RIMS2: variants seen among roughly 807,000 people sequenced by gnomAD.
RIMS2 encodes the protein regulating synaptic membrane exocytosis 2.
A neutral mutation model predicts 174.4 loss-of-function variants in RIMS2; 59 were observed. The observed-to-expected ratio is 0.34, with a 90% confidence interval of 0.27 to 0.42. The LOEUF is 0.42. Among genes scored for constraint, RIMS2 ranks in the 10% least tolerant of loss-of-function variants. RIMS2 has a pLI of 1.00. For synonymous variants in RIMS2, 606 were observed against 572.5 expected, an observed-to-expected ratio of 1.06 and a Z score of -0.84; for missense variants, 1,620 against 1,666.3, an observed-to-expected ratio of 0.97 and a Z score of 0.48.
intron 19 of RIMS2, among the ~76,000 whole-genome samples, chr8:104,143,349 T>A (rs1224395289): frequency 6.6e-6 from 1 of 152,220 alleles, no homozygotes; most frequent in South Asian, 2.1e-4. Context: ...GAGAAGTTTT[T>A]ACATAAAAGG....
chr8:103,860,572 A>T (rs933278509), intron 3 of RIMS2, among the ~76,000 whole-genome samples: 1 of 152,276 alleles, frequency 6.6e-6, no homozygotes, highest in East Asian at 1.9e-4. Context: ...TATAGTATTT[A>T]GCAAATAGTA....
intron 1 of RIMS2, among the ~76,000 whole-genome samples, chr8:103,650,628 AGGTCTT>A (rs1199349265): frequency 6.6e-6 from 1 of 152,228 alleles, no homozygotes; most frequent in African/African-American, 2.4e-5. Context: ...CCTCACAGGG[AGGTCTT>A]GCCAAGTGAG....
chr8:103,820,809 T>C (rs1404032785), intron 3 of RIMS2, among the ~76,000 whole-genome samples: 1 of 151,768 alleles, frequency 6.6e-6, no homozygotes, highest in African/African-American at 2.4e-5. Context: ...GTATATGAAA[T>C]GTTAGGATAT....
intron 19 of RIMS2, among the ~76,000 whole-genome samples, chr8:104,086,718 A>C (rs1300169556): frequency 2.0e-5 from 3 of 152,096 alleles, no homozygotes; most frequent in African/African-American, 7.2e-5. Flanking sequence ...TGTTCTTGCT[A>C]TGTCATGTTT....
chr8:103,719,917 G>T (rs927802734), intron 2 of RIMS2, among the ~76,000 whole-genome samples: 1 of 152,076 alleles, frequency 6.6e-6, no homozygotes, highest in Non-Finnish European at 1.5e-5. Context: ...TTTAATGTGG[G>T]TATTAAATTA....
chr8:104,057,680 T>G (rs1386523956), intron 19 of RIMS2, among the ~76,000 whole-genome samples: 1 of 150,570 alleles, frequency 6.6e-6, no homozygotes, highest in African/African-American at 2.4e-5. Context: ...AACTCGTCAT[T>G]TAGCATTAGG....
intron 19 of RIMS2, among the ~76,000 whole-genome samples, chr8:104,190,297 A>T (rs1305823618): frequency 6.6e-6 from 1 of 151,972 alleles, no homozygotes; most frequent in Non-Finnish European, 1.5e-5. Flanking sequence ...GGGACCCTGT[A>T]TCTAAAAAAT....
At chr8:104,188,241 A>ATAGATAGATAGAT (rs2098979273) in intron 19 of RIMS2, among the ~76,000 whole-genome samples, 4 of 139,516 alleles carry the variant, frequency 2.9e-5, no homozygotes, top group African/African-American at 1.1e-4. Context: ...ATAGATAGAT[A>ATAGATAGATAGAT]GATAGATAGA....
At chr8:103,713,553 T>C (rs2097334036) in intron 2 of RIMS2, among the ~76,000 whole-genome samples, 1 of 152,210 alleles carries the variant, frequency 6.6e-6, no homozygotes, top group Admixed American at 6.5e-5. Flanking sequence ...GATTTTATCA[T>C]TTCCTGTCTC....
At chr8:104,210,217 C>T (rs1352648672) in intron 19 of RIMS2, among the ~76,000 whole-genome samples, 2 of 152,004 alleles carry the variant, frequency 1.3e-5, no homozygotes, top group Non-Finnish European at 2.9e-5. Context: ...TTAAGGCTCC[C>T]CCATGAAAGA....
intron 1 of RIMS2, among the ~76,000 whole-genome samples, chr8:103,541,264 C>T (rs10093711): frequency 0.18 from 27,714 of 152,068 alleles, 2,771 homozygotes; most frequent in African/African-American, 0.26. Flanking sequence ...CCACACATAA[C>T]GTAGTTACAG....
In RIMS2 at chr8:103,861,789, T is replaced by A. The variant is rs1397588055; in HGVS notation, c.699-23509T>A. Among the ~76,000 whole-genome samples the A allele has an allele frequency of 2.6e-5, 4 of 152,136 alleles. No homozygotes were observed. In the East Asian group the frequency reaches 7.7e-4, roughly 29 times the overall value. ...CTTATATGTTTCTCTTTGAGGAATGTCTGTTCATGATGTCCTTTGTCTACT... is the reference window on the plus strand; with the variant it reads ...CTTATATGTTTCTCTTTGAGGAATGACTGTTCATGATGTCCTTTGTCTACT... On this transcript the variant is annotated intron_variant, in intron 3 of 23. Transcript: ENST00000504942.
intron 11 of RIMS2, among the ~76,000 whole-genome samples, chr8:103,928,215 T>C (rs753276399): frequency 6.6e-5 from 10 of 151,572 alleles, no homozygotes; most frequent in Admixed American, 2.0e-4. Context: ...TTTTATGCTG[T>C]TGATATTTTC....
intron 3 of RIMS2, among the ~76,000 whole-genome samples, chr8:103,781,146 T>A (rs1437785193): frequency 6.6e-6 from 1 of 152,182 alleles, no homozygotes; most frequent in African/African-American, 2.4e-5. Context: ...TGGCATCTCC[T>A]TTGATTGAGT....
At chr8:103,886,328 A>G in intron 4 of RIMS2, 105 bp downstream of exon 7, 4 of 945,196 alleles carry the variant, frequency 4.2e-6, no homozygotes, top group Non-Finnish European at 1.5e-6. Flanking sequence ...TAGTAGCTTT[A>G]TTTTAAAAGT....
At chr8:103,568,555 T>G (rs1205287359) in intron 1 of RIMS2, 2 of 469,762 alleles carry the variant, frequency 4.3e-6, no homozygotes, top group Non-Finnish European at 8.2e-6. Flanking sequence ...GCTATAAGTC[T>G]GGAAGAGACT....
At chr8:103,648,224 G>A (rs984794803) in intron 1 of RIMS2, among the ~76,000 whole-genome samples, 1 of 152,040 alleles carries the variant, frequency 6.6e-6, no homozygotes, top group African/African-American at 2.4e-5. Context: ...GTAGTTGTGT[G>A]TTCTTCAGTG....
chr8:104,249,630 T>TA (rs2099352389), intron 22 of RIMS2, 42 bp downstream of exon 28: 1 of 1,147,982 alleles, frequency 8.7e-7, no homozygotes, highest in Admixed American at 1.7e-5. Flanking sequence ...CCATAATCCA[T>TA]ATTGTTTCAA....
At chr8:103,850,868 A>G (rs910385503) in intron 3 of RIMS2, among the ~76,000 whole-genome samples, 10 of 152,144 alleles carry the variant, frequency 6.6e-5, no homozygotes, top group Non-Finnish European at 1.3e-4. Flanking sequence ...TCACTACTGG[A>G]TAAGACAACT....
Sources: gnomAD v4.1 joint callset for allele counts (sites outside exome capture counted in the v4.1 genomes callset) on GRCh38, gnomAD v4.1.1 for gene constraint, MANE v1.5 for transcripts, NCBI Gene and HGNC (gene_info 2026-07-23, HGNC 2026-07-21) for gene names.